CSMD1: variants seen among roughly 807,000 people sequenced by gnomAD.
CSMD1 encodes CUB and sushi domain-containing protein 1.
CSMD1 carries 213 observed loss-of-function variants against 417.5 expected under a neutral mutation model. The observed-to-expected ratio is 0.51, with a 90% CI of 0.46 to 0.57. The LOEUF (loss-of-function observed/expected upper bound fraction) is 0.57. Ranked by LOEUF, CSMD1 falls within the 20% of genes least tolerant of loss-of-function variation. CSMD1 has a pLI of 0.00. For missense variants in CSMD1, 6,923 were observed against 4,529.7 expected, an observed-to-expected ratio of 1.53 and a Z score of -15.17; for synonymous variants, 2,862 against 1,736.8, an observed-to-expected ratio of 1.65 and a Z score of -16.11.
At chr8:3,446,731 A>G (rs568370811) in intron 12 of CSMD1, among the ~76,000 whole-genome samples, 1 of 152,382 alleles carries the variant, frequency 6.6e-6, no homozygotes, top group South Asian at 2.1e-4. Context: ...TATAAAGTGC[A>G]AAAATGCATA....
intron 38 of CSMD1, among the ~76,000 whole-genome samples, chr8:3,158,262 T>A (rs1819657468): frequency 6.7e-6 from 1 of 150,008 alleles, no homozygotes; most frequent in South Asian, 2.1e-4. Flanking sequence ...GAGTACTGAA[T>A]TGGGCAAAAT....
chr8:4,799,533 A>G (rs370011350), intron 1 of CSMD1, among the ~76,000 whole-genome samples: 2 of 126,718 alleles, frequency 1.6e-5, no homozygotes. Flanking sequence ...CAGGAGGCGG[A>G]GGTTGCAGTG....
intron 59 of CSMD1, among the ~76,000 whole-genome samples, chr8:2,964,478 C>T (rs988773611): frequency 6.6e-6 from 1 of 152,172 alleles, no homozygotes; most frequent in East Asian, 1.9e-4. Flanking sequence ...TGGGAGGAGA[C>T]AAGTTCAAGG....
intron 7 of CSMD1, among the ~76,000 whole-genome samples, chr8:3,678,317 A>G (rs182042610): frequency 3.7e-4 from 57 of 152,336 alleles, no homozygotes; most frequent in Non-Finnish European, 6.0e-4. Flanking sequence ...GCTAACTAGA[A>G]TAACCAATGC....
chr8:3,469,397 T>C (rs745606335), intron 11 of CSMD1, among the ~76,000 whole-genome samples: 4 of 152,208 alleles, frequency 2.6e-5, no homozygotes, highest in Non-Finnish European at 5.9e-5. Flanking sequence ...CATGCATAGC[T>C]GAAATAGATT....
intron 10 of CSMD1, among the ~76,000 whole-genome samples, chr8:3,549,943 T>G (rs371911306): frequency 2.0e-5 from 3 of 152,202 alleles, no homozygotes; most frequent in Admixed American, 2.0e-4. Flanking sequence ...ATTCAGGCAA[T>G]TGAAATAATT....
chr8:4,137,641 G>A lies in CSMD1; in HGVS notation c.416-105542C>T, dbSNP rs574819898. Reference sequence around the variant, plus strand: ...CTGTTAATTGATCACATTTTTATAAGCAGTTTCAATATAAATTCATACTGA... The same window carrying A: ...CTGTTAATTGATCACATTTTTATAAACAGTTTCAATATAAATTCATACTGA... On this transcript the variant is annotated intron_variant, in intron 3 of 69. Transcript: ENST00000635120. Among the ~76,000 whole-genome samples the A allele has an allele frequency of 9.4e-4, 123 of 131,168 alleles. 38 individuals are homozygous for A. In the South Asian group the frequency reaches 0.019, roughly 21 times the overall value. 86.1% of individuals were successfully genotyped at this position (131,168 alleles called of 152,430 possible). A position where few individuals can be genotyped will look rare whatever the true frequency, so the allele number is the denominator to read the frequency against.
chr8:4,812,093 C>G (rs757809592), intron 1 of CSMD1, among the ~76,000 whole-genome samples: 119 of 152,140 alleles, frequency 7.8e-4, no homozygotes, highest in Non-Finnish European at 9.8e-4. Flanking sequence ...AAAATTCCTA[C>G]GCAGCTGGAC....
chr8:4,397,106 G>A (rs946469637), intron 3 of CSMD1, among the ~76,000 whole-genome samples: 2 of 151,942 alleles, frequency 1.3e-5, no homozygotes, highest in Admixed American at 1.3e-4. Context: ...CCTAAGAAGA[G>A]TATATAACCA....
intron 26 of CSMD1, among the ~76,000 whole-genome samples, chr8:3,273,023 A>G (rs1012982456): frequency 6.6e-6 from 1 of 151,808 alleles, no homozygotes; most frequent in Non-Finnish European, 1.5e-5. Flanking sequence ...CTTCAAAGGG[A>G]ATGCTTCTAG....
At chr8:3,300,927 C>A (rs1186110278) in intron 25 of CSMD1, among the ~76,000 whole-genome samples, 1 of 132,610 alleles carries the variant, frequency 7.5e-6, no homozygotes, top group Non-Finnish European at 1.5e-5. Context: ...CCACCGCACT[C>A]CAGCCTGGAC....
chr8:3,715,601 G>C (rs1037218013), intron 6 of CSMD1, among the ~76,000 whole-genome samples: 1 of 152,158 alleles, frequency 6.6e-6, no homozygotes, highest in Non-Finnish European at 1.5e-5. Context: ...GGAGTGCAGT[G>C]ACACAATCTG....
intron 33 of CSMD1, among the ~76,000 whole-genome samples, chr8:3,198,096 C>A (rs939479204): frequency 1.3e-5 from 2 of 152,160 alleles, no homozygotes; most frequent in Admixed American, 1.3e-4. Flanking sequence ...GTATCTTTGA[C>A]ATTTTGATGA....
intron 23 of CSMD1, among the ~76,000 whole-genome samples, chr8:3,323,007 C>G (rs1806254962): frequency 6.6e-6 from 1 of 152,168 alleles, no homozygotes; most frequent in African/African-American, 2.4e-5. Context: ...CTAAACCTCA[C>G]AGTCATGGTT....
intron 3 of CSMD1, among the ~76,000 whole-genome samples, chr8:4,193,831 G>T (rs963191080): frequency 4.6e-5 from 7 of 151,962 alleles, no homozygotes; most frequent in South Asian, 2.1e-4. Flanking sequence ...ACAGAATACA[G>T]TTCAGCCGTG....
At chr8:3,185,560 A>C (rs1034747875) in intron 36 of CSMD1, among the ~76,000 whole-genome samples, 3 of 152,232 alleles carry the variant, frequency 2.0e-5, no homozygotes, top group African/African-American at 7.2e-5. Context: ...TGAAAAATTA[A>C]CCTATTTCTA....
chr8:4,065,854 C>G (rs1413067445), intron 3 of CSMD1, among the ~76,000 whole-genome samples: 1 of 152,046 alleles, frequency 6.6e-6, no homozygotes, highest in African/African-American at 2.4e-5. Context: ...ACACACACAC[C>G]CAAAGTTTTC....
intron 3 of CSMD1, among the ~76,000 whole-genome samples, chr8:4,125,656 G>C (rs1043064352): frequency 6.6e-6 from 1 of 152,166 alleles, no homozygotes; most frequent in Non-Finnish European, 1.5e-5. Context: ...ACTCTATGTT[G>C]CTTCTAACCT....
At chr8:4,088,937 G>T (rs1174693202) in intron 3 of CSMD1, among the ~76,000 whole-genome samples, 1 of 152,110 alleles carries the variant, frequency 6.6e-6, no homozygotes, top group Non-Finnish European at 1.5e-5. Context: ...CCCTGCCAAG[G>T]TCTTTCCTGA....
Sources: allele counts gnomAD v4.1 joint callset (sites outside exome capture counted in the v4.1 genomes callset), GRCh38; gene constraint gnomAD v4.1.1; transcripts MANE v1.5; gene names NCBI Gene and HGNC (gene_info 2026-07-23, HGNC 2026-07-21).